The following PBX3 variants were observed in gnomAD, a reference collection of about 807,000 sequenced individuals.
PBX3 encodes the protein pre-B-cell leukemia transcription factor 3.
Under a neutral mutation model 48.5 loss-of-function variants are expected in PBX3, and 14 were observed. The ratio of observed to expected loss-of-function variants is 0.29; its 90% confidence interval spans 0.19 to 0.45. PBX3 has a LOEUF of 0.45. Ranked by LOEUF, PBX3 falls within the 20% of genes least tolerant of loss-of-function variation. PBX3 has a pLI of 1.00. For synonymous variants in PBX3, 210 were observed against 200.3 expected (o/e 1.05, Z -0.41); for missense variants, 386 against 546.7 (o/e 0.71, Z 2.93).
intron 2 of PBX3, among the ~76,000 whole-genome samples, chr9:125,791,292 TGTC>T (rs1354098941): frequency 1.5e-5 from 2 of 136,774 alleles, no homozygotes; most frequent in Non-Finnish European, 3.1e-5. Flanking sequence ...TCTGTCTGTC[TGTC>T]TGTCTGTCTA....
intron 2 of PBX3, among the ~76,000 whole-genome samples, chr9:125,871,778 A>G (rs912646153): frequency 7.9e-5 from 12 of 152,224 alleles, no homozygotes; most frequent in Admixed American, 7.9e-4. Context: ...TGTGACTGCT[A>G]GAGAATTTAA....
intron 2 of PBX3, among the ~76,000 whole-genome samples, chr9:125,835,432 C>A (rs955822905): frequency 2.0e-5 from 3 of 151,932 alleles, no homozygotes; most frequent in African/African-American, 4.8e-5. Flanking sequence ...AAGAGACCAC[C>A]TACAGAATGG....
intron 2 of PBX3, among the ~76,000 whole-genome samples, chr9:125,796,147 A>G (rs889711293): frequency 5.9e-5 from 9 of 152,228 alleles, no homozygotes; most frequent in Non-Finnish European, 1.3e-4. Context: ...GATTAAAATT[A>G]GAAACTGGAC....
rs953791708 is a variant in PBX3 at position 125,943,396 on chromosome 9, A to G, written c.843+7789A>G. On this transcript the variant is annotated intron_variant, in intron 5 of 8. Transcript: ENST00000373489. ...AAAAAAAAAAAAAAAAAAAAAAAAA[A>G]AAAGAAAGGAGAGAGAATTTGCAGC... 8.4e-5 allele frequency among the ~76,000 whole-genome samples: 11 copies of G among 130,520 alleles called. No individual in the cohort carries two copies. The South Asian group carries it at 9.7e-4, about 12-fold the overall frequency. The allele number at this position is 130,520 out of a possible 152,430, so 85.6% of individuals were successfully genotyped here. A position where few individuals can be genotyped will look rare whatever the true frequency, so the allele number is the denominator to read the frequency against.
At chr9:125,888,647 C>T (rs1840560930) in intron 2 of PBX3, among the ~76,000 whole-genome samples, 1 of 151,584 alleles carries the variant, frequency 6.6e-6, no homozygotes, top group Non-Finnish European at 1.5e-5. Context: ...TGATTACTTA[C>T]TCATTATAAA....
chr9:125,753,290 T>C (rs891933713), intron 2 of PBX3, among the ~76,000 whole-genome samples: 4 of 152,020 alleles, frequency 2.6e-5, no homozygotes, highest in Admixed American at 2.0e-4. Context: ...TTTACCTTTT[T>C]TTTTTTCTAT....
intron 2 of PBX3, among the ~76,000 whole-genome samples, chr9:125,800,325 T>G (rs73667063): frequency 0.039 from 5,927 of 152,270 alleles, 407 homozygotes; most frequent in African/African-American, 0.13. Flanking sequence ...TGGAATGAAA[T>G]AGGGTATAAA....
chr9:125,866,971 G>A (rs1294852291), intron 2 of PBX3, among the ~76,000 whole-genome samples: 1 of 152,058 alleles, frequency 6.6e-6, no homozygotes, highest in African/African-American at 2.4e-5. Flanking sequence ...GTTGTGTTAG[G>A]TAAACATAAG....
intron 5 of PBX3, among the ~76,000 whole-genome samples, chr9:125,941,000 C>T (rs1365877937): frequency 6.6e-6 from 1 of 152,024 alleles, no homozygotes; most frequent in East Asian, 1.9e-4. Context: ...CAAAAACAAG[C>T]CTGCCTTCAT....
intron 2 of PBX3, among the ~76,000 whole-genome samples, chr9:125,836,618 A>G (rs758545700): frequency 3.9e-5 from 6 of 152,214 alleles, no homozygotes; most frequent in Non-Finnish European, 4.4e-5. Flanking sequence ...TATAGTTAAC[A>G]GTAATTTATT....
In PBX3 at chr9:125,896,105, C is replaced by CT. The variant is rs369268498; in HGVS notation, c.275-19580dup. Among the ~76,000 whole-genome samples, 47 of 152,084 alleles carry CT rather than the reference C, an allele frequency of 3.1e-4. 1 individual carries two copies. In the East Asian group the frequency reaches 7.5e-3, roughly 24 times the overall value. On this transcript the variant is annotated intron_variant, in intron 2 of 8. Coordinates refer to ENST00000373489, the MANE Select transcript of PBX3 (RefSeq NM_006195.6). ...ACTAAATATATGGATTATAGAGATG[C>CT]TGTAAAAATGTTCTTATTTCCTTCT...
chr9:125,937,906 C>T (rs1050360577), intron 5 of PBX3, among the ~76,000 whole-genome samples: 1 of 152,200 alleles, frequency 6.6e-6, no homozygotes, highest in African/African-American at 2.4e-5. Flanking sequence ...AGTGATCCTC[C>T]AGCCTCAGCC....
intron 2 of PBX3, among the ~76,000 whole-genome samples, chr9:125,896,851 C>T (rs530753402): frequency 5.8e-4 from 88 of 152,108 alleles, no homozygotes; most frequent in African/African-American, 2.0e-3. Context: ...TTGTTTTTTA[C>T]ACTCTAACAA....
chr9:125,749,497 G>A (rs960009421), intron 2 of PBX3: 7 of 150,912 alleles, frequency 4.6e-5, no homozygotes, highest in African/African-American at 1.7e-4. Flanking sequence ...TATCTTCCCT[G>A]TATGTGGCAA....
At chr9:125,936,976 C>T (rs1396429485) in intron 5 of PBX3, among the ~76,000 whole-genome samples, 1 of 152,114 alleles carries the variant, frequency 6.6e-6, no homozygotes, top group Non-Finnish European at 1.5e-5. Context: ...TTTCCCTGAA[C>T]ATTAGTGAAA....
intron 2 of PBX3, among the ~76,000 whole-genome samples, chr9:125,843,523 C>T (rs1175718820): frequency 6.6e-6 from 1 of 152,070 alleles, no homozygotes; most frequent in Non-Finnish European, 1.5e-5. Context: ...AACATACCCT[C>T]ACTTTCCACC....
chr9:125,900,976 C>G (rs1373118051), intron 2 of PBX3, among the ~76,000 whole-genome samples: 1 of 151,626 alleles, frequency 6.6e-6, no homozygotes, highest in African/African-American at 2.4e-5. Flanking sequence ...ATTGTAGATG[C>G]CAAGTGAGAA....
In PBX3 at chr9:125,820,312, A is replaced by G. The variant is rs116928782; in HGVS notation, c.274+71689A>G. Among the ~76,000 whole-genome samples, 1,324 of 152,308 alleles carry G rather than the reference A, an allele frequency of 8.7e-3. 14 individuals carry two copies. The highest frequency in any genetic ancestry group is 0.014 in the South Asian group (68 of 4,828). ...GTGTGAAACAAGACACTTGATACCGAGATTAAGGAATGTCTCATGACAGTG... is the reference window on the plus strand; with the variant it reads ...GTGTGAAACAAGACACTTGATACCGGGATTAAGGAATGTCTCATGACAGTG... On this transcript the variant is annotated intron_variant, in intron 2 of 8. Coordinates refer to ENST00000373489, the MANE Select transcript of PBX3 (RefSeq NM_006195.6).
chr9:125,844,988 G>T (rs1024145892), intron 2 of PBX3: 1 of 152,020 alleles, frequency 6.6e-6, no homozygotes, highest in African/African-American at 2.4e-5. Flanking sequence ...GATAGGTGAG[G>T]TTTAAACATA....
Sources: gnomAD v4.1 joint callset for allele counts (sites outside exome capture counted in the v4.1 genomes callset) on GRCh38, gnomAD v4.1.1 for gene constraint, MANE v1.5 for transcripts, NCBI Gene and HGNC (gene_info 2026-07-23, HGNC 2026-07-21) for gene names.